The following CCSER1 variants were observed in gnomAD, a reference collection of about 807,000 sequenced individuals.
CCSER1 encodes the protein serine-rich coiled-coil domain-containing protein 1.
A neutral mutation model predicts 82.0 loss-of-function variants in CCSER1; 41 were observed. That is an observed-to-expected ratio of 0.50 (90% CI 0.39 to 0.65). The LOEUF (loss-of-function observed/expected upper bound fraction) is 0.65, where lower values mean the gene tolerates loss of function less well. CCSER1 is among the 30% of genes least tolerant of loss of function. The pLI, the probability that CCSER1 is intolerant of heterozygous loss-of-function variation, is 0.00. For missense variants in CCSER1, 1,119 were observed against 1,064.2 expected, an observed-to-expected ratio of 1.05 and a Z score of -0.72; for synonymous variants, 414 against 383.9, an observed-to-expected ratio of 1.08 and a Z score of -0.92.
At chr4:91,334,595 T>A (rs74621359) in intron 10 of CCSER1, among the ~76,000 whole-genome samples, 1 of 151,780 alleles carries the variant, frequency 6.6e-6, no homozygotes, top group Non-Finnish European at 1.5e-5. Context: ...AGAAAATCTA[T>A]AAAACATGGT....
chr4:90,257,451 G>A (rs1224065313), intron 1 of CCSER1, among the ~76,000 whole-genome samples: 1 of 151,970 alleles, frequency 6.6e-6, no homozygotes, highest in African/African-American at 2.4e-5. Context: ...TTATGCTGGT[G>A]GAAAAGAGAT....
At chr4:90,830,742 AAC>A (rs1761019811) in intron 8 of CCSER1, among the ~76,000 whole-genome samples, 1 of 152,158 alleles carries the variant, frequency 6.6e-6, no homozygotes, top group East Asian at 1.9e-4. Flanking sequence ...GAGGCAGCCA[AAC>A]ACACCCTTCC....
At chr4:90,330,116 G>T (rs993168655) in intron 3 of CCSER1, among the ~76,000 whole-genome samples, 1 of 152,126 alleles carries the variant, frequency 6.6e-6, no homozygotes, top group Non-Finnish European at 1.5e-5. Context: ...GATAATTTAA[G>T]ATCTCTAATC....
At chr4:90,371,180 G>A (rs1200472280) in intron 3 of CCSER1, among the ~76,000 whole-genome samples, 1 of 149,580 alleles carries the variant, frequency 6.7e-6, no homozygotes, top group African/African-American at 2.4e-5. Flanking sequence ...GTAGATAGTG[G>A]AAGCAAATGA....
At chr4:91,358,721 T>C (rs184459263) in intron 10 of CCSER1, among the ~76,000 whole-genome samples, 412 of 152,220 alleles carry the variant, frequency 2.7e-3, no homozygotes, top group Non-Finnish European at 4.3e-3. Context: ...CAAGTGCCAG[T>C]TCCTTCCTGG....
chr4:90,344,989 C>T (rs1742079130), intron 3 of CCSER1, among the ~76,000 whole-genome samples: 2 of 151,886 alleles, frequency 1.3e-5, no homozygotes, highest in Non-Finnish European at 2.9e-5. Flanking sequence ...CCAGACAGTC[C>T]TTGATTCCCA....
At chr4:91,103,122 C>T (rs1310438333) in intron 10 of CCSER1, among the ~76,000 whole-genome samples, 1 of 152,144 alleles carries the variant, frequency 6.6e-6, no homozygotes, top group East Asian at 1.9e-4. Flanking sequence ...AACTTTGCTG[C>T]CCTTCTCTCA....
Position 91,418,463 on chromosome 4 carries a change from A to T in CCSER1, c.2218-180109A>T, listed in dbSNP as rs145757605. ...ACTATGAACAAATATACACTATTAA[A>T]TTGTGTAACCAAAAGAAATGAATAA... On this transcript the variant is annotated intron_variant, in intron 10 of 10. Coordinates refer to ENST00000509176, the MANE Select transcript of CCSER1 (RefSeq NM_001145065.2). Among the ~76,000 whole-genome samples the T allele has an allele frequency of 1.0e-3, 155 of 152,088 alleles. 1 individual carries two copies. The East Asian group carries it at 0.026, about 26-fold the overall frequency.
intron 6 of CCSER1, among the ~76,000 whole-genome samples, chr4:90,695,390 TA>T (rs1258229068): frequency 3.9e-5 from 6 of 152,016 alleles, no homozygotes; most frequent in Non-Finnish European, 8.8e-5. Context: ...CACTTACTAT[TA>T]TTGCACATTA....
chr4:90,478,515 A>G (rs904776447), intron 5 of CCSER1, among the ~76,000 whole-genome samples: 2 of 152,182 alleles, frequency 1.3e-5, no homozygotes, highest in Non-Finnish European at 1.5e-5. Context: ...CTTTAAAATA[A>G]TAAATTGGTT....
Position 91,128,964 on chromosome 4 carries a change from G to A in CCSER1, c.2217+42970G>A, listed in dbSNP as rs114773827. On this transcript the variant is annotated intron_variant, in intron 10 of 10. Coordinates refer to ENST00000509176, the MANE Select transcript of CCSER1 (RefSeq NM_001145065.2). ...AAAATTAGGACATCCATTATCTCAC[G>A]TAACAAGAAGGTATAGCGATATAAG... is the stretch of plus-strand genomic sequence containing the variant. Among the ~76,000 whole-genome samples, 802 of 152,106 alleles carry A rather than the reference G, an allele frequency of 5.3e-3. 6 individuals carry two copies. Among genetic ancestry groups the A allele is most frequent in the African/African-American group, 0.018 (749 of 41,500 alleles).
At chr4:91,406,728 A>G (rs778293304) in intron 10 of CCSER1, among the ~76,000 whole-genome samples, 2 of 152,218 alleles carry the variant, frequency 1.3e-5, no homozygotes, top group Non-Finnish European at 2.9e-5. Flanking sequence ...TCATGACTGT[A>G]CAACATGTTG....
intron 5 of CCSER1, among the ~76,000 whole-genome samples, chr4:90,493,856 G>A (rs1314416344): frequency 3.3e-5 from 5 of 152,114 alleles, no homozygotes; most frequent in Non-Finnish European, 5.9e-5. Flanking sequence ...AACTGCCTCA[G>A]CTAATGAGCA....
At chr4:91,417,265 A>C (rs1238350256) in intron 10 of CCSER1, among the ~76,000 whole-genome samples, 1 of 152,178 alleles carries the variant, frequency 6.6e-6, no homozygotes, top group Non-Finnish European at 1.5e-5. Context: ...TAGTTCAACC[A>C]TTGTGGATAC....
intron 3 of CCSER1, among the ~76,000 whole-genome samples, chr4:90,391,272 C>CAAAA (rs1215360899): frequency 8.6e-5 from 3 of 34,992 alleles, no homozygotes; most frequent in African/African-American, 2.6e-4. Flanking sequence ...GACTCTGTCT[C>CAAAA]AAAAAAAAAA....
chr4:90,334,845 A>G (rs1740080173), intron 3 of CCSER1, among the ~76,000 whole-genome samples: 1 of 152,158 alleles, frequency 6.6e-6, no homozygotes, highest in Admixed American at 6.5e-5. Flanking sequence ...ATAAAATACC[A>G]CAATTTATTA....
At chr4:90,365,962 A>C (rs1746207535) in intron 3 of CCSER1, among the ~76,000 whole-genome samples, 1 of 151,880 alleles carries the variant, frequency 6.6e-6, no homozygotes, top group African/African-American at 2.4e-5. Context: ...ATACTACAGC[A>C]TTTTTGTCTG....
At chr4:91,191,587 A>G (rs558567176) in intron 10 of CCSER1, among the ~76,000 whole-genome samples, 5 of 152,238 alleles carry the variant, frequency 3.3e-5, no homozygotes, top group Admixed American at 2.6e-4. Context: ...GGGACACATG[A>G]CCCAGTCTCC....
At chr4:91,374,602 A>G (rs1256517284) in intron 10 of CCSER1, among the ~76,000 whole-genome samples, 1 of 152,242 alleles carries the variant, frequency 6.6e-6, no homozygotes, top group African/African-American at 2.4e-5. Flanking sequence ...TATGATGGAA[A>G]TGAACAAGAA....
Sources: allele counts gnomAD v4.1 joint callset (sites outside exome capture counted in the v4.1 genomes callset), GRCh38; gene constraint gnomAD v4.1.1; transcripts MANE v1.5; gene names NCBI Gene and HGNC (gene_info 2026-07-23, HGNC 2026-07-21).